ZBTB20: variants seen among roughly 807,000 people sequenced by gnomAD.
ZBTB20 encodes the protein zinc finger and BTB domain containing 20.
Under a neutral mutation model 56.9 loss-of-function variants are expected in ZBTB20, and 9 were observed. The ratio of observed to expected loss-of-function variants is 0.16; its 90% CI spans 0.10 to 0.28. The LOEUF (loss-of-function observed/expected upper bound fraction) is 0.28. Among genes scored for constraint, ZBTB20 ranks in the 10% least tolerant of loss-of-function variants. The pLI, the probability that ZBTB20 is intolerant of heterozygous loss-of-function variation, is 1.00. For synonymous variants in ZBTB20, 417 were observed against 420.7 expected (o/e 0.99, Z 0.11); for missense variants, 655 against 1,003.0 (o/e 0.65, Z 4.69).
At chr3:114,668,979 A>G (rs1302565781) in intron 6 of ZBTB20, among the ~76,000 whole-genome samples, 1 of 152,080 alleles carries the variant, frequency 6.6e-6, no homozygotes, top group Non-Finnish European at 1.5e-5. Flanking sequence ...AAACAAAAGC[A>G]AACAAGTGAA....
chr3:114,600,887 A>AC (rs1190192995), intron 6 of ZBTB20, among the ~76,000 whole-genome samples: 1 of 151,888 alleles, frequency 6.6e-6, no homozygotes, highest in African/African-American at 2.4e-5. Context: ...TTCACTTCAT[A>AC]CTAACAACCT....
At chr3:114,685,686 A>T (rs932402390) in intron 6 of ZBTB20, among the ~76,000 whole-genome samples, 1 of 152,204 alleles carries the variant, frequency 6.6e-6, no homozygotes, top group African/African-American at 2.4e-5. Flanking sequence ...TTTGAATGGA[A>T]AATACCTCAA....
At chr3:114,996,992 G>A (rs1030215534) in intron 2 of ZBTB20, among the ~76,000 whole-genome samples, 7 of 151,564 alleles carry the variant, frequency 4.6e-5, no homozygotes, top group African/African-American at 1.5e-4. Flanking sequence ...AACAGATGCT[G>A]AAGAGGATGT....
intron 7 of ZBTB20, among the ~76,000 whole-genome samples, chr3:114,399,697 G>A (rs1346576523): frequency 6.6e-6 from 1 of 152,092 alleles, no homozygotes; most frequent in African/African-American, 2.4e-5. Context: ...GGGCAAGACT[G>A]CTATTTTCTG....
intron 6 of ZBTB20, among the ~76,000 whole-genome samples, chr3:114,593,941 C>CT (rs2056062595): frequency 6.6e-6 from 1 of 152,184 alleles, no homozygotes; most frequent in Non-Finnish European, 1.5e-5. Flanking sequence ...ACAGCTACTT[C>CT]TTTTTTAGTA....
Position 115,016,657 on chromosome 3 carries a change from T to C in ZBTB20, c.-506-42241A>G, listed in dbSNP as rs377297832. The stretch of plus-strand genomic sequence containing the variant: ...CTCATTTCTGAGTTCTCTATTCTGT[T>C]CCATGGGTCTATGTGTCTGTTTTTG... On this transcript the variant is annotated intron_variant, in intron 2 of 11. Coordinates refer to ENST00000675478, the MANE Select transcript of ZBTB20 (RefSeq NM_001348800.3). 9.2e-5 allele frequency among the ~76,000 whole-genome samples: 14 copies of C among 151,976 alleles called. 1 individual carries two copies. The highest frequency in any genetic ancestry group is 3.4e-4 in the African/African-American group (14 of 41,504).
intron 5 of ZBTB20, among the ~76,000 whole-genome samples, chr3:114,698,430 C>T (rs1427708621): frequency 1.3e-5 from 2 of 151,980 alleles, no homozygotes; most frequent in Non-Finnish European, 2.9e-5. Flanking sequence ...GGTGGAATGC[C>T]TGTAGCATTC....
intron 3 of ZBTB20, among the ~76,000 whole-genome samples, chr3:114,934,003 C>A (rs988446757): frequency 1.3e-5 from 2 of 152,132 alleles, no homozygotes; most frequent in Non-Finnish European, 2.9e-5. Context: ...ACTAATACCA[C>A]AGGAAAGGGT....
At chr3:114,610,969 T>G (rs1288837087) in intron 6 of ZBTB20, among the ~76,000 whole-genome samples, 1 of 152,198 alleles carries the variant, frequency 6.6e-6, no homozygotes, top group Non-Finnish European at 1.5e-5. Context: ...AATTTTGGAA[T>G]TGTCCAAAGA....
intron 6 of ZBTB20, among the ~76,000 whole-genome samples, chr3:114,567,205 T>C (rs2052877161): frequency 6.6e-6 from 1 of 152,160 alleles, no homozygotes; most frequent in Non-Finnish European, 1.5e-5. Flanking sequence ...CAGGGTCCTA[T>C]GTGTATCTTT....
intron 2 of ZBTB20, among the ~76,000 whole-genome samples, chr3:115,044,195 A>G (rs113960639): frequency 0.03 from 4,636 of 152,248 alleles, 84 homozygotes; most frequent in South Asian, 0.039. Context: ...ATAGCAATAC[A>G]AGAATGGCCT....
intron 1 of ZBTB20, among the ~76,000 whole-genome samples, chr3:115,092,796 C>T (rs1031231173): frequency 3.3e-5 from 5 of 152,042 alleles, no homozygotes; most frequent in African/African-American, 1.2e-4. Flanking sequence ...TTATGGCATT[C>T]GTTCAATCAT....
chr3:114,544,178 A>G (rs1434290630), intron 6 of ZBTB20, among the ~76,000 whole-genome samples: 2 of 152,318 alleles, frequency 1.3e-5, no homozygotes, highest in East Asian at 3.9e-4. Flanking sequence ...TGACCATTTA[A>G]GTTTAATTAT....
At chr3:114,964,448 A>T (rs990715706) in intron 3 of ZBTB20, among the ~76,000 whole-genome samples, 1 of 152,052 alleles carries the variant, frequency 6.6e-6, no homozygotes, top group Non-Finnish European at 1.5e-5. Context: ...CCCAAAAAAC[A>T]CTATGCTACA....
chr3:114,882,533 T>G (rs2076436733), intron 4 of ZBTB20, among the ~76,000 whole-genome samples: 1 of 152,048 alleles, frequency 6.6e-6, no homozygotes, highest in Admixed American at 6.5e-5. Context: ...CAAATTTCCA[T>G]AAATAGGCAG....
intron 2 of ZBTB20, among the ~76,000 whole-genome samples, chr3:115,000,433 G>A (rs987690759): frequency 6.6e-6 from 1 of 151,522 alleles, no homozygotes. Flanking sequence ...AGGATTTAAA[G>A]TAACAGTTTC....
intron 6 of ZBTB20, among the ~76,000 whole-genome samples, chr3:114,636,169 C>T (rs1406865177): frequency 6.6e-6 from 1 of 152,046 alleles, no homozygotes; most frequent in Non-Finnish European, 1.5e-5. Context: ...ACCTGTCAAC[C>T]AAGAACGCTA....
At chr3:115,133,429 A>G (rs1014328193) in intron 1 of ZBTB20, among the ~76,000 whole-genome samples, 11 of 152,224 alleles carry the variant, frequency 7.2e-5, no homozygotes, top group Admixed American at 7.2e-4. Flanking sequence ...ATTAAAGTAT[A>G]TAATTCAGTG....
At position 114,318,448 on chromosome 3, in the gene ZBTB20, AG is replaced by A. The variant is rs946032668; in HGVS notation, c.*20556del. The A allele has an allele frequency of 2.0e-5, 3 of 152,446 alleles. No homozygotes were observed. The highest frequency in any genetic ancestry group is 7.2e-5 in the African/African-American group (3 of 41,482). 9.4% of individuals were successfully genotyped at this position (152,446 alleles called of 1,614,324 possible). ...CTCAGAAGCAGAGGGTGAAGGAGAC[AG>A]GAGGCGTGCTCTCCTCAGGCAGTGT... On this transcript the variant is annotated 3_prime_UTR_variant, in exon 12 of 12. Coordinates refer to ENST00000675478, the MANE Select transcript of ZBTB20 (RefSeq NM_001348800.3).
Sources: allele counts gnomAD v4.1 joint callset (sites outside exome capture counted in the v4.1 genomes callset), GRCh38; gene constraint gnomAD v4.1.1; transcripts MANE v1.5; gene names NCBI Gene and HGNC (gene_info 2026-07-23, HGNC 2026-07-21).